The following PALM2AKAP2 variants were observed in gnomAD, a reference collection of about 807,000 sequenced individuals.
The protein encoded by PALM2AKAP2 is PALM2 and AKAP2 fusion.
A neutral mutation model predicts 71.5 loss-of-function variants in PALM2AKAP2; 37 were observed. That is an observed-to-expected ratio of 0.52 (90% CI 0.40 to 0.68). PALM2AKAP2 has a LOEUF of 0.68. PALM2AKAP2 is among the 30% of genes least tolerant of loss of function. The pLI, the probability that PALM2AKAP2 is intolerant of heterozygous loss-of-function variation, is 0.00. For synonymous variants in PALM2AKAP2, 468 were observed against 478.8 expected (o/e 0.98, Z 0.29); for missense variants, 1,224 against 1,191.8 (o/e 1.03, Z -0.40).
chr9:109,785,734 A>T (rs1826944516), intron 1 of PALM2AKAP2, among the ~76,000 whole-genome samples: 1 of 152,040 alleles, frequency 6.6e-6, no homozygotes. Context: ...ATTACCTCCT[A>T]CCATGTCCCT....
At chr9:110,088,421 AC>A (rs1834621458) in intron 1 of PALM2AKAP2, among the ~76,000 whole-genome samples, 1 of 152,140 alleles carries the variant, frequency 6.6e-6, no homozygotes, top group Non-Finnish European at 1.5e-5. Flanking sequence ...CCCAAGGCCA[AC>A]CTGATTGGTT....
At chr9:109,921,162 T>C (rs1246586056) in intron 3 of PALM2AKAP2, among the ~76,000 whole-genome samples, 1 of 152,226 alleles carries the variant, frequency 6.6e-6, no homozygotes, top group Non-Finnish European at 1.5e-5. Context: ...CACTCTTGTC[T>C]CCAAAATTCT....
intron 1 of PALM2AKAP2, among the ~76,000 whole-genome samples, chr9:109,646,021 A>G (rs1387669498): frequency 6.6e-6 from 1 of 152,222 alleles, no homozygotes; most frequent in Non-Finnish European, 1.5e-5. Flanking sequence ...TAAAAGAAAG[A>G]AAGAAAAATC....
intron 1 of PALM2AKAP2, chr9:110,048,987 G>A (rs964243779): frequency 4.2e-6 from 5 of 1,196,464 alleles, no homozygotes; most frequent in Non-Finnish European, 5.6e-6. Context: ...CTTTTAAAGG[G>A]CTTTTTGTGG....
intron 3 of PALM2AKAP2, among the ~76,000 whole-genome samples, chr9:110,159,151 A>T (rs1275167434): frequency 6.6e-6 from 1 of 151,834 alleles, no homozygotes; most frequent in Admixed American, 6.6e-5. Context: ...TGCTGGGGGG[A>T]TGAGTTGTGT....
chr9:109,858,786 C>T (rs1829236285), intron 1 of PALM2AKAP2, among the ~76,000 whole-genome samples: 1 of 152,178 alleles, frequency 6.6e-6, no homozygotes, highest in Non-Finnish European at 1.5e-5. Context: ...CTTACTTTCT[C>T]ATCAGAGCCC....
At chr9:109,896,902 T>G (rs1337034081) in intron 3 of PALM2AKAP2, among the ~76,000 whole-genome samples, 1 of 152,216 alleles carries the variant, frequency 6.6e-6, no homozygotes, top group Non-Finnish European at 1.5e-5. Context: ...ATCTCACTGG[T>G]TTTCAAATAT....
intron 6 of PALM2AKAP2, among the ~76,000 whole-genome samples, chr9:109,975,831 A>G (rs888278622): frequency 1.3e-5 from 2 of 152,216 alleles, no homozygotes; most frequent in Non-Finnish European, 2.9e-5. Flanking sequence ...GAAGAGCTAC[A>G]CATTGCTGGG....
chr9:109,923,144 A>C (rs75713977), intron 3 of PALM2AKAP2, among the ~76,000 whole-genome samples: 2,470 of 152,272 alleles, frequency 0.016, 66 homozygotes, highest in African/African-American at 0.057. Context: ...TATAAAATAC[A>C]TAGGATGGCT....
chr9:109,773,073 G>A (rs572127683), intron 1 of PALM2AKAP2, among the ~76,000 whole-genome samples: 99 of 152,170 alleles, frequency 6.5e-4, no homozygotes, highest in African/African-American at 1.5e-3. Context: ...AGCCAAGATC[G>A]TGCCACTGCA....
At chr9:109,838,010 G>C (rs566643800) in intron 1 of PALM2AKAP2, among the ~76,000 whole-genome samples, 53 of 152,266 alleles carry the variant, frequency 3.5e-4, no homozygotes, top group African/African-American at 1.2e-3. Flanking sequence ...CTTGAACTCA[G>C]CTCTGCACCA....
chr9:109,740,360 A>G (rs1266454241), intron 1 of PALM2AKAP2, among the ~76,000 whole-genome samples: 1 of 152,118 alleles, frequency 6.6e-6, no homozygotes, highest in African/African-American at 2.4e-5. Flanking sequence ...GAGGATAGGG[A>G]GTGTGGTGTG....
At chr9:109,959,271 C>G (rs1423891617) in intron 6 of PALM2AKAP2, among the ~76,000 whole-genome samples, 3 of 152,214 alleles carry the variant, frequency 2.0e-5, no homozygotes, top group African/African-American at 7.2e-5. Flanking sequence ...TAAGCCAGTT[C>G]TGCTCTTTAA....
chr9:109,875,284 A>G (rs182206460), intron 2 of PALM2AKAP2, among the ~76,000 whole-genome samples: 3 of 152,142 alleles, frequency 2.0e-5, no homozygotes, highest in East Asian at 1.9e-4. Context: ...GACCTTTCCC[A>G]CTTTAAATGT....
intron 1 of PALM2AKAP2, among the ~76,000 whole-genome samples, chr9:109,655,838 G>A (rs1158951110): frequency 6.6e-6 from 1 of 152,100 alleles, no homozygotes; most frequent in African/African-American, 2.4e-5. Context: ...TTCATCTATT[G>A]ATGGACATTT....
At chr9:110,155,831 G>T (rs947114576) in intron 2 of PALM2AKAP2, among the ~76,000 whole-genome samples, 4 of 152,200 alleles carry the variant, frequency 2.6e-5, no homozygotes, top group Non-Finnish European at 5.9e-5. Context: ...GACTTCCTCT[G>T]CTATAGAGGA....
chr9:109,990,041 G>T (rs955903972), intron 6 of PALM2AKAP2, among the ~76,000 whole-genome samples: 2 of 150,748 alleles, frequency 1.3e-5, no homozygotes, highest in Non-Finnish European at 3.0e-5. Flanking sequence ...CACTGTTTAA[G>T]TCACTGTTTT....
intron 6 of PALM2AKAP2, among the ~76,000 whole-genome samples, chr9:109,947,596 T>C (rs1443511880): frequency 6.6e-6 from 1 of 152,190 alleles, no homozygotes; most frequent in Non-Finnish European, 1.5e-5. Flanking sequence ...CCTGCCAATA[T>C]AAAACGCAGA....
chr9:110,011,014 A>AAAAAAAAAAATATATATAT (rs35212981), intron 6 of PALM2AKAP2, among the ~76,000 whole-genome samples: 1 of 69,590 alleles, frequency 1.4e-5, no homozygotes, highest in African/African-American at 7.8e-5. Context: ...AAAAAAAAAA[A>AAAAAAAAAAATATATATAT]ATATATATAT....
Sources: allele counts gnomAD v4.1 joint callset (sites outside exome capture counted in the v4.1 genomes callset), GRCh38; gene constraint gnomAD v4.1.1; transcripts MANE v1.5; gene names NCBI Gene and HGNC (gene_info 2026-07-23, HGNC 2026-07-21).